OTUD7A: variants seen among roughly 807,000 people sequenced by gnomAD.
The protein encoded by OTUD7A is OTU deubiquitinase 7A, also known as OTU domain-containing protein 7A.
In OTUD7A, 12 loss-of-function variants were observed where a neutral mutation model predicts 65.7. The ratio of observed to expected loss-of-function variants is 0.18; its 90% CI spans 0.12 to 0.30. OTUD7A has a LOEUF of 0.30. OTUD7A is among the 10% of genes least tolerant of loss of function. The probability of loss-of-function intolerance (pLI) is 1.00; values close to 1 mark genes in which losing one functional copy is unlikely to be tolerated. For synonymous variants in OTUD7A, 641 were observed against 586.3 expected, an observed-to-expected ratio of 1.09 and a Z score of -1.35; for missense variants, 1,148 against 1,304.8, an observed-to-expected ratio of 0.88 and a Z score of 1.85.
intron 3 of OTUD7A, among the ~76,000 whole-genome samples, chr15:31,585,217 C>T (rs1464051669): frequency 2.6e-5 from 4 of 152,210 alleles, no homozygotes; most frequent in African/African-American, 9.6e-5. Flanking sequence ...CTGTGCTCAA[C>T]CTTTCCCCTC....
At chr15:31,508,568 G>A (rs189722182) in intron 8 of OTUD7A, among the ~76,000 whole-genome samples, 2 of 152,306 alleles carry the variant, frequency 1.3e-5, no homozygotes, top group African/African-American at 2.4e-5. Context: ...TAGCCAGGAT[G>A]GTCTTGATCT....
intron 1 of OTUD7A, among the ~76,000 whole-genome samples, chr15:31,686,977 G>A (rs1036608543): frequency 2.0e-5 from 3 of 152,084 alleles, no homozygotes; most frequent in Admixed American, 1.3e-4. Context: ...ATTCATATTC[G>A]TGTGTAGCTT....
At chr15:31,766,896 C>A (rs867734206) in intron 1 of OTUD7A, 2 of 1,609,990 alleles carry the variant, frequency 1.2e-6, no homozygotes, top group East Asian at 4.5e-5. Flanking sequence ...AATTCCCTGA[C>A]ACATCTACAA....
At chr15:31,579,028 T>A (rs1489206442) in intron 3 of OTUD7A, among the ~76,000 whole-genome samples, 7 of 152,216 alleles carry the variant, frequency 4.6e-5, no homozygotes, top group African/African-American at 1.7e-4. Context: ...AGAGTTTGAC[T>A]CTTTTCGTTA....
At chr15:31,785,763 T>C (rs1252498709) in intron 1 of OTUD7A, among the ~76,000 whole-genome samples, 1 of 152,244 alleles carries the variant, frequency 6.6e-6, no homozygotes, top group East Asian at 1.9e-4. Flanking sequence ...GCTGTGTGGC[T>C]TTGGACAAGT....
intron 1 of OTUD7A, among the ~76,000 whole-genome samples, chr15:31,837,152 A>C (rs1897073403): frequency 6.6e-6 from 1 of 152,182 alleles, no homozygotes; most frequent in South Asian, 2.1e-4. Context: ...ATACAACATA[A>C]ACATACAAAA....
chr15:31,796,495 TTC>T (rs1895965711), intron 1 of OTUD7A, among the ~76,000 whole-genome samples: 1 of 152,222 alleles, frequency 6.6e-6, no homozygotes, highest in South Asian at 2.1e-4. Context: ...TTATTCAGTC[TTC>T]TGATTCAAAT....
At chr15:31,555,009 T>C (rs1888444600) in intron 5 of OTUD7A, among the ~76,000 whole-genome samples, 1 of 152,112 alleles carries the variant, frequency 6.6e-6, no homozygotes, top group East Asian at 1.9e-4. Flanking sequence ...CCCAGATCTG[T>C]GGGTTTTATG....
At chr15:31,766,634 T>G in intron 1 of OTUD7A, 1 of 1,604,774 alleles carries the variant, frequency 6.2e-7, no homozygotes, top group Non-Finnish European at 8.5e-7. Flanking sequence ...CTTGTACTAC[T>G]TGTTAAAAGC....
intron 1 of OTUD7A, among the ~76,000 whole-genome samples, chr15:31,737,633 C>G (rs1894228146): frequency 6.6e-6 from 1 of 152,148 alleles, no homozygotes; most frequent in South Asian, 2.1e-4. Flanking sequence ...GGAAATATAT[C>G]TTACAGAAAT....
At chr15:31,769,013 C>T (rs1030912600) in intron 1 of OTUD7A, among the ~76,000 whole-genome samples, 2 of 152,088 alleles carry the variant, frequency 1.3e-5, no homozygotes, top group African/African-American at 4.8e-5. Flanking sequence ...TAAGTACAAA[C>T]AAATCAATAA....
chr15:31,608,448 A>AG (rs1298249434), intron 3 of OTUD7A, among the ~76,000 whole-genome samples: 9 of 152,210 alleles, frequency 5.9e-5, no homozygotes, highest in African/African-American at 2.2e-4. Flanking sequence ...ACAGACATGC[A>AG]GACACACAGA....
At position 31,819,790 on chromosome 15, in the gene OTUD7A, T is replaced by C. The variant is rs1896635811; in HGVS notation, c.-100+50717A>G. ...ATAAGTAACATGTAACAAGTCGTTA[T>C]ATATTATGTCATATATAATGTATCA... is the stretch of plus-strand genomic sequence containing the variant. On this transcript the variant is annotated intron_variant, in intron 1 of 12. Coordinates refer to ENST00000307050, the MANE Select transcript of OTUD7A (RefSeq NM_001382637.1). 4.6e-5 allele frequency among the ~76,000 whole-genome samples: 7 copies of C among 152,002 alleles called. No homozygotes were observed. The South Asian group carries it at 1.2e-3, about 27-fold the overall frequency.
rs778707929 is a variant in OTUD7A, at chr15:31,694,638, C to A, written c.-99-37561G>T. ...TCAACCCACCCCACCTCCCCCAGCA[C>A]CTGGCCAACACCATTCTGCTCTCTG... On this transcript the variant is annotated intron_variant, in intron 1 of 12. Transcript: ENST00000307050. 3.5e-4 allele frequency among the ~76,000 whole-genome samples: 54 copies of A among 152,264 alleles called. 1 individual carries two copies. Among genetic ancestry groups the A allele is most frequent in the Middle Eastern group, 6.8e-3 (2 of 294 alleles).
intron 3 of OTUD7A, among the ~76,000 whole-genome samples, chr15:31,642,717 G>A (rs915266524): frequency 6.6e-6 from 1 of 151,256 alleles, no homozygotes; most frequent in Non-Finnish European, 1.5e-5. Context: ...TTAATATCTT[G>A]AGAATCTGTA....
intron 1 of OTUD7A, among the ~76,000 whole-genome samples, chr15:31,847,907 T>C (rs1897326434): frequency 6.6e-6 from 1 of 152,118 alleles, no homozygotes; most frequent in Non-Finnish European, 1.5e-5. Context: ...CACACATTTT[T>C]AAATGATCAG....
intron 5 of OTUD7A, among the ~76,000 whole-genome samples, chr15:31,542,840 T>C (rs1408857665): frequency 1.3e-5 from 2 of 151,614 alleles, no homozygotes; most frequent in African/African-American, 2.4e-5. Context: ...AAAAAAAATC[T>C]TCAATGTGCT....
At chr15:31,791,407 T>G (rs1482404105) in intron 1 of OTUD7A, among the ~76,000 whole-genome samples, 3 of 152,218 alleles carry the variant, frequency 2.0e-5, no homozygotes, top group Non-Finnish European at 2.9e-5. Context: ...ATGACTCCTC[T>G]GGGATTCTTC....
rs150305883 is a variant in OTUD7A, at chr15:31,858,306, C to T, written c.-100+12201G>A. On this transcript the variant is annotated intron_variant, in intron 1 of 12. Transcript: ENST00000307050. ...GTCATAGTCAAGATGTTCTGGGAGG[C>T]CTGAATGCCTGAGCCCTGAGGTCCA... 3.3e-4 allele frequency among the ~76,000 whole-genome samples: 50 copies of T among 152,268 alleles called. No homozygotes were observed. In the South Asian group the frequency reaches 5.6e-3, roughly 17 times the overall value.
Sources: allele counts gnomAD v4.1 joint callset (sites outside exome capture counted in the v4.1 genomes callset), GRCh38; gene constraint gnomAD v4.1.1; transcripts MANE v1.5; gene names NCBI Gene and HGNC (gene_info 2026-07-23, HGNC 2026-07-21).